The following TMEM163 variants were observed in gnomAD, a reference collection of about 807,000 sequenced individuals.
The protein encoded by TMEM163 is transmembrane protein 163.
Under a neutral mutation model 29.3 loss-of-function variants are expected in TMEM163, and 17 were observed. The observed-to-expected ratio is 0.58, with a 90% CI of 0.40 to 0.87. The LOEUF (loss-of-function observed/expected upper bound fraction) is 0.87, where lower values mean the gene tolerates loss of function less well. Ranked by LOEUF, TMEM163 falls within the 40% of genes least tolerant of loss-of-function variation. The pLI is 0.00. For missense variants in TMEM163, 303 were observed against 381.5 expected (o/e 0.79, Z 1.71); for synonymous variants, 157 against 160.6 (o/e 0.98, Z 0.17).
chr2:134,552,040 T>C lies in TMEM163; in HGVS notation c.366+8A>G. ...AAACTTGATGAAAGTACATTTCAGG[T>C]TACTTACTGCAAACCCAAAAGCAGA... On this transcript the variant is annotated splice_region_variant and intron_variant, in intron 3 of 7. Coordinates refer to ENST00000281924, the MANE Select transcript of TMEM163 (RefSeq NM_030923.5). The C allele has an allele frequency of 6.2e-7, 1 of 1,612,910 alleles. No individual in the cohort carries two copies. Among genetic ancestry groups the C allele is most frequent in the Non-Finnish European group, 8.5e-7 (1 of 1,179,284 alleles).
At chr2:134,674,495 G>GCGCGCGCGCGCT (rs1491309993) in intron 2 of TMEM163, among the ~76,000 whole-genome samples, 3 of 84,824 alleles carry the variant, frequency 3.5e-5, no homozygotes, top group African/African-American at 6.5e-5. Flanking sequence ...AGGCGCGCGC[G>GCGCGCGCGCGCT]CGCGCGCGCG....
At chr2:134,676,420 T>TA (rs1158218694) in intron 2 of TMEM163, among the ~76,000 whole-genome samples, 2 of 152,236 alleles carry the variant, frequency 1.3e-5, no homozygotes, top group Non-Finnish European at 2.9e-5. Flanking sequence ...CAATGGGTGA[T>TA]ACACTGGCTG....
intron 2 of TMEM163, among the ~76,000 whole-genome samples, chr2:134,646,806 C>T (rs1683346855): frequency 6.6e-6 from 1 of 152,112 alleles, no homozygotes; most frequent in Non-Finnish European, 1.5e-5. Flanking sequence ...GGATGTGAAC[C>T]CACTGTGGTT....
At chr2:134,711,455 C>T (rs1021710718) in intron 2 of TMEM163, among the ~76,000 whole-genome samples, 1 of 152,160 alleles carries the variant, frequency 6.6e-6, no homozygotes, top group Non-Finnish European at 1.5e-5. Context: ...TAACACAAAT[C>T]ATGATATTAT....
chr2:134,681,786 G>C (rs1684254582), intron 2 of TMEM163, among the ~76,000 whole-genome samples: 1 of 152,174 alleles, frequency 6.6e-6, no homozygotes, highest in Non-Finnish European at 1.5e-5. Flanking sequence ...TCACCAACAA[G>C]CACCTTCTTC....
At chr2:134,655,973 A>G (rs1047026944) in intron 2 of TMEM163, among the ~76,000 whole-genome samples, 4 of 145,260 alleles carry the variant, frequency 2.8e-5, no homozygotes, top group Non-Finnish European at 4.5e-5. Context: ...GGGACACTTA[A>G]GTCTGCAGAG....
chr2:134,489,794 G>A (rs1679390767), intron 5 of TMEM163, among the ~76,000 whole-genome samples: 2 of 152,320 alleles, frequency 1.3e-5, no homozygotes, highest in Non-Finnish European at 2.9e-5. Context: ...TTCAGACCAT[G>A]AACGAGGGCG....
chr2:134,714,337 C>T (rs1684993556), intron 1 of TMEM163, among the ~76,000 whole-genome samples: 1 of 152,218 alleles, frequency 6.6e-6, no homozygotes, highest in South Asian at 2.1e-4. Flanking sequence ...GCAGCCTCAT[C>T]AGAGTAGCTC....
intron 4 of TMEM163, among the ~76,000 whole-genome samples, chr2:134,508,871 C>T (rs1310805484): frequency 1.3e-5 from 2 of 152,178 alleles, no homozygotes; most frequent in African/African-American, 4.8e-5. Context: ...GGGACAGTCA[C>T]TCAGACCACA....
chr2:134,461,090 C>T (rs138054427), intron 6 of TMEM163, among the ~76,000 whole-genome samples: 9 of 152,344 alleles, frequency 5.9e-5, no homozygotes, highest in South Asian at 2.1e-4. Context: ...CAGGCCCTGC[C>T]GTCACTCCCC....
chr2:134,510,032 G>A (rs965828376), intron 4 of TMEM163, among the ~76,000 whole-genome samples: 3 of 152,190 alleles, frequency 2.0e-5, no homozygotes, highest in Non-Finnish European at 4.4e-5. Context: ...CAGGGGAGCA[G>A]CAATGCAGTG....
intron 2 of TMEM163, among the ~76,000 whole-genome samples, chr2:134,699,419 G>A (rs570850766): frequency 1.8e-4 from 27 of 152,010 alleles, no homozygotes; most frequent in Non-Finnish European, 2.8e-4. Context: ...CAGGAGAATC[G>A]CTTGAACCCA....
At chr2:134,473,278 G>A (rs1338551698) in intron 5 of TMEM163, among the ~76,000 whole-genome samples, 1 of 152,180 alleles carries the variant, frequency 6.6e-6, no homozygotes, top group Non-Finnish European at 1.5e-5. Context: ...GCTCACAACT[G>A]TAATCCCAGG....
At chr2:134,605,252 C>T (rs113666568) in intron 2 of TMEM163, among the ~76,000 whole-genome samples, 1 of 151,596 alleles carries the variant, frequency 6.6e-6, no homozygotes, top group Non-Finnish European at 1.5e-5. Flanking sequence ...TCTGATTGAG[C>T]ATAATCTTGG....
chr2:134,542,379 T>C (rs1225594531), intron 4 of TMEM163, among the ~76,000 whole-genome samples: 2 of 152,288 alleles, frequency 1.3e-5, no homozygotes, highest in South Asian at 2.1e-4. Context: ...GGAGCTCTGA[T>C]GGAGGACTCT....
intron 3 of TMEM163, among the ~76,000 whole-genome samples, chr2:134,551,767 TG>T (rs1428954166): frequency 6.6e-6 from 1 of 152,200 alleles, no homozygotes; most frequent in Non-Finnish European, 1.5e-5. Flanking sequence ...ACATACAACC[TG>T]GAAGGTAAAA....
intron 5 of TMEM163, among the ~76,000 whole-genome samples, chr2:134,473,650 G>A (rs773425898): frequency 5.3e-5 from 8 of 151,916 alleles, no homozygotes; most frequent in Admixed American, 1.3e-4. Flanking sequence ...AAACCTCCAG[G>A]ACTCATCTAG....
intron 5 of TMEM163, among the ~76,000 whole-genome samples, chr2:134,483,921 A>G (rs534891195): frequency 1.3e-5 from 2 of 152,298 alleles, no homozygotes; most frequent in East Asian, 3.9e-4. Flanking sequence ...AGGTGGGTGG[A>G]TCACCTGAGG....
At chr2:134,593,973 G>A (rs1258688532) in intron 2 of TMEM163, among the ~76,000 whole-genome samples, 1 of 151,994 alleles carries the variant, frequency 6.6e-6, no homozygotes, top group African/African-American at 2.4e-5. Context: ...GAACAGGAGG[G>A]TCCTTTAATG....
Sources: allele counts gnomAD v4.1 joint callset (sites outside exome capture counted in the v4.1 genomes callset), GRCh38; gene constraint gnomAD v4.1.1; transcripts MANE v1.5; gene names NCBI Gene and HGNC (gene_info 2026-07-23, HGNC 2026-07-21).